The following ZNF189 variants were observed in gnomAD, a reference collection of about 807,000 sequenced individuals.
The protein encoded by ZNF189 is zinc finger protein 189.
In ZNF189, 33 loss-of-function variants were observed where a neutral mutation model predicts 53.5. The observed-to-expected ratio is 0.62, with a 90% CI of 0.47 to 0.82. ZNF189 has a LOEUF of 0.82. ZNF189 is among the 40% of genes least tolerant of loss of function. The probability of loss-of-function intolerance (pLI) is 0.00; values close to 1 mark genes in which losing one functional copy is unlikely to be tolerated. For missense variants in ZNF189, 711 were observed against 753.9 expected (o/e 0.94, Z 0.67); for synonymous variants, 247 against 238.8 (o/e 1.03, Z -0.32).
chr9:101,408,517 A>G lies in ZNF189; in HGVS notation c.749A>G (p.His250Arg), dbSNP rs1300097672. 1.5e-5 allele frequency: 25 copies of G among 1,614,074 alleles called. No individual in the cohort carries two copies. The highest frequency in any genetic ancestry group is 2.1e-5 in the Non-Finnish European group (25 of 1,180,046). The change falls in exon 3 of 3, where the codon CAT becomes CGT. Residue 250 changes from histidine to arginine, a missense_variant. By Grantham distance (29) the His-to-Arg change is conservative. Coordinates refer to ENST00000339664, the MANE Select transcript of ZNF189 (RefSeq NM_003452.4). Reference protein sequence around the residue: ...SFSQRRSLVKHQRIHTGEKPH... With the variant: ...SFSQRRSLVKRQRIHTGEKPH... The stretch of plus-strand genomic sequence containing the variant: ...AGCCAGAGAAGGAGCCTTGTTAAAC[A>G]TCAAAGGATTCATACAGGTGAGAAA...
Position 101,408,327 on chromosome 9 carries a change from C to A in ZNF189, c.559C>A (p.Arg187Ser). 1 of 1,614,086 alleles carries A rather than the reference C, an allele frequency of 6.2e-7. No homozygotes were observed. Among genetic ancestry groups the A allele is most frequent in the Non-Finnish European group, 8.5e-7 (1 of 1,179,998 alleles). Residue 187 changes from arginine (R) to serine (S), a missense_variant, in exon 3 of 3, where the codon CGC becomes AGC. By Grantham distance (110) the Arg-to-Ser change is moderately radical. Coordinates refer to ENST00000339664, the MANE Select transcript of ZNF189 (RefSeq NM_003452.4). ...CAATGAATGTGGGAAAAGTTTTAGT[C>A]GCAGTTCATTTGTTATTGAACATCA... ...QCNECGKSFS[R>S]SSFVIEHQRI...
chr9:101,408,608 A>T lies in ZNF189; in HGVS notation c.840A>T (p.Arg280Ser). The change falls in exon 3 of 3, where the codon AGA becomes AGT. Residue 280 changes from arginine (R) to serine (S), a missense_variant. Transcript: ENST00000339664. ...AATCACACCTTATTGAGCATCAAAG[A>T]ACTCACACTGGTGAGAAACCTTATC... ...SWKSHLIEHQ[R>S]THTGEKPYHC... 2 of 1,613,998 alleles carry T rather than the reference A, an allele frequency of 1.2e-6. 1 individual carries two copies. Among genetic ancestry groups the T allele is most frequent in the South Asian group, 2.2e-5 (2 of 91,072 alleles).
chr9:101,405,296 A>G (rs17772355), intron 2 of ZNF189, among the ~76,000 whole-genome samples: 12,036 of 152,294 alleles, frequency 0.079, 540 homozygotes, highest in Middle Eastern at 0.16. Context: ...TTGGCAGCCT[A>G]AAGACTGGAG....
At chr9:101,406,203 A>T (rs1830706001) in intron 2 of ZNF189, among the ~76,000 whole-genome samples, 1 of 152,182 alleles carries the variant, frequency 6.6e-6, no homozygotes, top group Non-Finnish European at 1.5e-5. Flanking sequence ...TGGAAAACAT[A>T]AGAAATAGAA....
intron 2 of ZNF189, among the ~76,000 whole-genome samples, chr9:101,405,776 T>C (rs889097244): frequency 4.6e-5 from 7 of 152,104 alleles, no homozygotes; most frequent in African/African-American, 7.2e-5. Context: ...ACATAAGGAC[T>C]GAAACATGCC....
Position 101,408,678 on chromosome 9 carries a change from G to A in ZNF189, c.910G>A (p.Val304Ile), listed in dbSNP as rs868628208. The A allele has an allele frequency of 6.2e-7, 1 of 1,611,606 alleles. No individual in the cohort carries two copies. The highest frequency in any genetic ancestry group is 8.5e-7 in the Non-Finnish European group (1 of 1,179,286). Residue 304 changes from valine to isoleucine, a missense_variant, in exon 3 of 3, where the codon GTT becomes ATT. Val to Ile is a conservative substitution (Grantham distance 29). Transcript: ENST00000339664. The part of the protein sequence containing the change: ...KKSFSRNSLL[V>I]EHQRIHTGER... ...GAGCTTTAGTCGAAATTCATTGCTT[G>A]TTGAGCATCAAAGAATTCACACTGG...
rs766896414 is a variant in ZNF189 at position 101,408,327 on chromosome 9, C to T, written c.559C>T (p.Arg187Cys). 1.2e-5 allele frequency: 20 copies of T among 1,614,084 alleles called. No individual in the cohort carries two copies. The highest frequency in any genetic ancestry group is 1.6e-4 in the Middle Eastern group (1 of 6,062). The change falls in exon 3 of 3, where the codon CGC becomes TGC. Residue 187 changes from arginine to cysteine, a missense_variant. Transcript: ENST00000339664. ...QCNECGKSFS[R>C]SSFVIEHQRI... ...CAATGAATGTGGGAAAAGTTTTAGT[C>T]GCAGTTCATTTGTTATTGAACATCA...
chr9:101,399,620 A>G, intron 1 of ZNF189: 1 of 1,308,386 alleles, frequency 7.6e-7, no homozygotes, highest in Non-Finnish European at 9.8e-7. Context: ...GAGGTGAGGG[A>G]AGCTTGGAGA....
In ZNF189 at chr9:101,409,539, G is replaced by A. The variant is rs1275294857; in HGVS notation, c.1771G>A (p.Ala591Thr). Reference sequence around the variant, plus strand: ...TCTTGTCAACCATCAGAAGATCCATGCAGAGGTGAAAACCCAAGAAACCCA... The same window carrying A: ...TCTTGTCAACCATCAGAAGATCCATACAGAGGTGAAAACCCAAGAAACCCA... ...RSLVNHQKIHAEVKTQETHEC... is the reference protein window; with the variant it reads ...RSLVNHQKIHTEVKTQETHEC... The change falls in exon 3 of 3, where the codon GCA (alanine) becomes ACA (threonine). Residue 591 changes from alanine (A) to threonine (T), a missense_variant. Ala to Thr is a moderately conservative substitution (Grantham distance 58, BLOSUM62 0). Coordinates refer to ENST00000339664, the MANE Select transcript of ZNF189 (RefSeq NM_003452.4). The A allele has an allele frequency of 1.2e-6, 2 of 1,614,092 alleles. No individual in the cohort carries two copies. The highest frequency in any genetic ancestry group is 2.7e-5 in the African/African-American group (2 of 75,054).
intron 2 of ZNF189, among the ~76,000 whole-genome samples, chr9:101,406,376 G>A (rs985980798): frequency 2.0e-5 from 3 of 152,154 alleles, no homozygotes; most frequent in African/African-American, 7.2e-5. Flanking sequence ...AATGCCCAGA[G>A]GTGAGTAGGA....
At chr9:101,401,691 T>G (rs960314427) in intron 2 of ZNF189, among the ~76,000 whole-genome samples, 4 of 152,214 alleles carry the variant, frequency 2.6e-5, no homozygotes, top group Non-Finnish European at 4.4e-5. Flanking sequence ...TTGTCTTGCC[T>G]CTAATACTCC....
At chr9:101,403,806 C>T (rs949876954) in intron 2 of ZNF189, among the ~76,000 whole-genome samples, 1 of 152,178 alleles carries the variant, frequency 6.6e-6, no homozygotes, top group African/African-American at 2.4e-5. Flanking sequence ...TCCCAAAGGC[C>T]CCGCCTCCAA....
Position 101,408,785 on chromosome 9 carries a change from TG to T in ZNF189, c.1019del (p.Gly340AlafsTer254). The T allele has an allele frequency of 6.2e-7, 1 of 1,614,032 alleles. No individual in the cohort carries two copies. The highest frequency in any genetic ancestry group is 8.5e-7 in the Non-Finnish European group (1 of 1,179,992). ...TTATACAACACCAAAAAATTCACAC[TG>T]GCGAGAAGCCTTTTCTTTGTATTGA... ...YLIQHQKIHT[G>X]EKPFLCIECG... On this transcript the variant is annotated frameshift_variant, in exon 3 of 3. Transcript: ENST00000339664. LOFTEE classifies it high-confidence loss of function.
At chr9:101,399,812 C>T in intron 1 of ZNF189, 72 bp from the exon 2 acceptor site, 1 of 1,602,038 alleles carries the variant, frequency 6.2e-7, no homozygotes, top group Non-Finnish European at 8.5e-7. Flanking sequence ...TAAGTGATTG[C>T]CTCTGTCACT....
Position 101,409,107 on chromosome 9 carries a change from C to T in ZNF189, c.1339C>T (p.Gln447Ter), listed in dbSNP as rs1349916127. Residue 447 changes from glutamine to a stop codon, truncating the protein, a stop_gained, in exon 3 of 3, where the codon CAG (glutamine) becomes TAG (stop). Transcript: ENST00000339664. LOFTEE classifies it high-confidence loss of function. ...TCCAAATTGCAGTCTTGTTATACAG[C>T]AGGAAGTCTACCCTAAGGAGAAATC... is the stretch of plus-strand genomic sequence containing the variant. ...FDPNCSLVIQ[Q>*]EVYPKEKSYK... 1 of 1,613,780 alleles carries T rather than the reference C, an allele frequency of 6.2e-7. No individual in the cohort carries two copies. Among genetic ancestry groups the T allele is most frequent in the Admixed American group, 1.7e-5 (1 of 59,970 alleles).
intron 1 of ZNF189, 60 bp from the exon 2 acceptor site, chr9:101,399,824 T>C: frequency 1.2e-6 from 2 of 1,608,690 alleles, no homozygotes; most frequent in South Asian, 2.2e-5. Context: ...TCTGTCACTT[T>C]TAGTGGTAGA....
At chr9:101,403,865 G>A (rs1165247790) in intron 2 of ZNF189, among the ~76,000 whole-genome samples, 1 of 152,204 alleles carries the variant, frequency 6.6e-6, no homozygotes, top group Admixed American at 6.5e-5. Flanking sequence ...TATTTGGTGG[G>A]AACACAAACA....
Position 101,410,170 on chromosome 9 carries a change from C to T in ZNF189, c.*521C>T, listed in dbSNP as rs977512641. 6.5e-6 allele frequency: 1 copy of T among 153,250 alleles called. No individual in the cohort carries two copies. The highest frequency in any genetic ancestry group is 1.5e-5 in the Non-Finnish European group (1 of 68,576). 9.5% of individuals were successfully genotyped at this position (153,250 alleles called of 1,614,324 possible). On this transcript the variant is annotated 3_prime_UTR_variant, in exon 3 of 3. Transcript: ENST00000339664. ...TTGTTTAAGAAAGCCAGTTGTTTGG[C>T]ATGTGAGTTAAAGGCAGTTCCAATG... is the stretch of plus-strand genomic sequence containing the variant.
chr9:101,399,993 G>A lies in ZNF189; in HGVS notation c.143G>A (p.Gly48Glu), dbSNP rs1830475571. 1 of 1,614,122 alleles carries A rather than the reference G, an allele frequency of 6.2e-7. No homozygotes were observed. Among genetic ancestry groups the A allele is most frequent in the Non-Finnish European group, 8.5e-7 (1 of 1,180,024 alleles). Reference sequence around the variant, plus strand: ...AAAGATGTCATGATGGAGAATTATGGAAACCTGGTCTCACTGGGTAAGAAT... The same window carrying A: ...AAAGATGTCATGATGGAGAATTATGAAAACCTGGTCTCACTGGGTAAGAAT... ...LYKDVMMENY[G>E]NLVSLDVLNR... is the part of the protein sequence containing the mutation. Residue 48 changes from glycine (G) to glutamate (E), a missense_variant, in exon 2 of 3, where the codon GGA becomes GAA. Transcript: ENST00000339664.
Sources: allele counts gnomAD v4.1 joint callset (sites outside exome capture counted in the v4.1 genomes callset), GRCh38; gene constraint gnomAD v4.1.1; transcripts MANE v1.5; gene names NCBI Gene and HGNC (gene_info 2026-07-23, HGNC 2026-07-21).